Variants in DHRS7B observed in about 807,000 individuals in gnomAD.
DHRS7B encodes dehydrogenase/reductase 7B.
DHRS7B carries 24 observed loss-of-function variants against 26.4 expected under a neutral mutation model. The observed-to-expected ratio is 0.91, with a 90% confidence interval of 0.66 to 1.28. DHRS7B has a LOEUF of 1.28. Ranked by LOEUF, DHRS7B falls within the 50% of genes most tolerant of loss-of-function variation. The pLI is 0.00. For synonymous variants in DHRS7B, 142 were observed against 166.4 expected (o/e 0.85, Z 1.13); for missense variants, 368 against 419.4 (o/e 0.88, Z 1.07).
chr17:21,172,238 C>A, intron 2 of DHRS7B, 42 bp downstream of exon 2: 2 of 1,576,404 alleles, frequency 1.3e-6, no homozygotes, highest in South Asian at 2.3e-5. Context: ...GGGGGTAAGT[C>A]AGCCAGGGAT....
chr17:21,171,731 G>A (rs1974251769), intron 1 of DHRS7B: 2 of 525,172 alleles, frequency 3.8e-6, no homozygotes, highest in African/African-American at 1.9e-5. Flanking sequence ...CTGTAACACT[G>A]TGGGTGACTA....
chr17:21,161,827 C>G (rs1974007765), intron 1 of DHRS7B, among the ~76,000 whole-genome samples: 1 of 152,076 alleles, frequency 6.6e-6, no homozygotes, highest in Admixed American at 6.6e-5. Context: ...AGTGGCACAG[C>G]CTTCTCAGCT....
At chr17:21,172,374 C>A in intron 2 of DHRS7B, 178 bp downstream of exon 2, 1 of 663,224 alleles carries the variant, frequency 1.5e-6, no homozygotes, top group Non-Finnish European at 2.4e-6. Flanking sequence ...GGAGCCAAGG[C>A]ACAGTGAGAA....
chr17:21,157,053 T>C (rs1973898494), intron 1 of DHRS7B, among the ~76,000 whole-genome samples: 1 of 152,190 alleles, frequency 6.6e-6, no homozygotes, highest in Admixed American at 6.6e-5. Flanking sequence ...CTGTATCTAT[T>C]AGAGAAATGG....
At chr17:21,166,132 C>T (rs1046946748) in intron 1 of DHRS7B, 4 of 985,338 alleles carry the variant, frequency 4.1e-6, no homozygotes, top group Non-Finnish European at 4.8e-6. Context: ...CTCCGCCCCC[C>T]CTCACAGGAT....
chr17:21,152,739 T>C (rs959804239), intron 1 of DHRS7B, among the ~76,000 whole-genome samples: 1 of 152,136 alleles, frequency 6.6e-6, no homozygotes, highest in African/African-American at 2.4e-5. Flanking sequence ...TGGGGAAGGG[T>C]AATACTCAAC....
intron 1 of DHRS7B, among the ~76,000 whole-genome samples, chr17:21,160,860 A>G (rs1407311173): frequency 6.6e-6 from 1 of 152,198 alleles, no homozygotes; most frequent in Non-Finnish European, 1.5e-5. Flanking sequence ...CATCCAGACA[A>G]CTGAATATTA....
intron 1 of DHRS7B, chr17:21,127,810 C>T (rs573300146): frequency 6.6e-6 from 1 of 152,184 alleles, no homozygotes; most frequent in Non-Finnish European, 1.5e-5. Flanking sequence ...TTGGGTTTCA[C>T]ACACTCATAC....
intron 6 of DHRS7B, among the ~76,000 whole-genome samples, chr17:21,190,733 C>T (rs1974757761): frequency 6.6e-6 from 1 of 152,244 alleles, no homozygotes; most frequent in African/African-American, 2.4e-5. Context: ...CCTCTCGCTT[C>T]CCCCACTGAC....
intron 1 of DHRS7B, among the ~76,000 whole-genome samples, chr17:21,145,134 C>T (rs1345810606): frequency 6.6e-6 from 1 of 151,908 alleles, no homozygotes; most frequent in Non-Finnish European, 1.5e-5. Flanking sequence ...ACCATCCTGG[C>T]TAACATGGTG....
intron 1 of DHRS7B, among the ~76,000 whole-genome samples, chr17:21,134,370 C>T (rs1157944593): frequency 6.6e-6 from 1 of 152,108 alleles, no homozygotes; most frequent in East Asian, 1.9e-4. Context: ...TAAAGCTGAG[C>T]CATGATTTGT....
intron 1 of DHRS7B, among the ~76,000 whole-genome samples, chr17:21,132,932 A>G (rs1485170777): frequency 6.6e-6 from 1 of 151,960 alleles, no homozygotes; most frequent in African/African-American, 2.4e-5. Flanking sequence ...TGCACTTAAG[A>G]GTTAAGAATG....
intron 1 of DHRS7B, among the ~76,000 whole-genome samples, chr17:21,140,650 GA>G (rs911016860): frequency 2.0e-5 from 3 of 151,646 alleles, no homozygotes; most frequent in African/African-American, 7.3e-5. Context: ...TATCTTAATA[GA>G]AAAATAACAG....
At chr17:21,183,906 C>T in intron 4 of DHRS7B, 96 bp downstream of exon 4, 3 of 1,081,302 alleles carry the variant, frequency 2.8e-6, no homozygotes, top group Non-Finnish European at 4.2e-6. Flanking sequence ...CCATCTCCAT[C>T]CTCTCTGTTG....
intron 4 of DHRS7B, 60 bp from the exon 5 acceptor site, chr17:21,184,311 A>G: frequency 6.8e-7 from 1 of 1,460,370 alleles, no homozygotes; most frequent in Non-Finnish European, 9.4e-7. Flanking sequence ...GCCTTCCATC[A>G]GCATCGGGTG....
chr17:21,186,131 G>A (rs559633618), intron 5 of DHRS7B, among the ~76,000 whole-genome samples: 1 of 152,338 alleles, frequency 6.6e-6, no homozygotes, highest in South Asian at 2.1e-4. Context: ...GGCTGAATAT[G>A]GAGTGCCTCT....
intron 3 of DHRS7B, among the ~76,000 whole-genome samples, chr17:21,181,409 T>C (rs1974512272): frequency 6.6e-6 from 1 of 152,144 alleles, no homozygotes; most frequent in Non-Finnish European, 1.5e-5. Context: ...TTTAAAGAAA[T>C]CTAGTTTTCA....
intron 5 of DHRS7B, among the ~76,000 whole-genome samples, chr17:21,187,829 T>TTTTATTTA (rs147783016): frequency 4.8e-4 from 70 of 145,798 alleles, no homozygotes; most frequent in African/African-American, 1.7e-3. Flanking sequence ...TGTTTTTAAC[T>TTTTATTTA]TTTATTTATT....
intron 1 of DHRS7B, among the ~76,000 whole-genome samples, chr17:21,170,398 G>A (rs1974213225): frequency 1.3e-5 from 2 of 152,212 alleles, no homozygotes; most frequent in Admixed American, 6.5e-5. Flanking sequence ...CTTGGGGCAG[G>A]GATGGTACCA....
Sources: allele counts gnomAD v4.1 joint callset (sites outside exome capture counted in the v4.1 genomes callset), GRCh38; gene constraint gnomAD v4.1.1; transcripts MANE v1.5; gene names NCBI Gene and HGNC (gene_info 2026-07-23, HGNC 2026-07-21).